The following GTF2F2 variants were observed in gnomAD, a reference collection of about 807,000 sequenced individuals.
GTF2F2 encodes ATP-dependent helicase GTF2F2.
A neutral mutation model predicts 42.2 loss-of-function variants in GTF2F2; 23 were observed. The ratio of observed to expected loss-of-function variants is 0.55; its 90% CI spans 0.39 to 0.77. The LOEUF is 0.77. GTF2F2 is among the 30% of genes least tolerant of loss of function. The pLI is 0.00. For missense variants in GTF2F2, 261 were observed against 287.2 expected (o/e 0.91, Z 0.66); for synonymous variants, 105 against 100.8 (o/e 1.04, Z -0.25).
chr13:45,128,029 C>T (rs1346792968), intron 1 of GTF2F2, among the ~76,000 whole-genome samples: 2 of 132,954 alleles, frequency 1.5e-5, no homozygotes, highest in East Asian at 2.4e-4. Context: ...GGCGCGATCT[C>T]GACTCACTGC....
chr13:45,125,494 AT>A lies in GTF2F2; in HGVS notation c.66+4778del, dbSNP rs573623145. ...GCCACCACACCCAGCTAATTTTTGTATTTTTAGTAGAGACGGGGTTTCACTG... is the reference window on the plus strand; with the variant it reads ...GCCACCACACCCAGCTAATTTTTGTATTTTAGTAGAGACGGGGTTTCACTG... On this transcript the variant is annotated intron_variant, in intron 1 of 7. Coordinates refer to ENST00000340473, the MANE Select transcript of GTF2F2 (RefSeq NM_004128.3). 2.4e-3 allele frequency among the ~76,000 whole-genome samples: 363 copies of A among 151,940 alleles called. 1 individual carries two copies. The highest frequency in any genetic ancestry group is 1.2e-3 in the Non-Finnish European group (82 of 67,958).
At chr13:45,124,690 G>A (rs1381365838) in intron 1 of GTF2F2, among the ~76,000 whole-genome samples, 5 of 152,150 alleles carry the variant, frequency 3.3e-5, no homozygotes, top group African/African-American at 9.6e-5. Context: ...TCAGCCTCCC[G>A]AATAGCTGGG....
chr13:45,146,531 A>G (rs1047234125), intron 2 of GTF2F2, among the ~76,000 whole-genome samples: 2 of 152,140 alleles, frequency 1.3e-5, no homozygotes, highest in Admixed American at 6.5e-5. Flanking sequence ...AACAAGAGCC[A>G]ACAGTTGAAT....
intron 4 of GTF2F2, among the ~76,000 whole-genome samples, chr13:45,180,324 A>G (rs182416640): frequency 6.6e-5 from 10 of 152,300 alleles, no homozygotes; most frequent in African/African-American, 2.4e-4. Flanking sequence ...GTGAGCTTTA[A>G]AAATATACGT....
At chr13:45,146,625 G>T (rs1870206355) in intron 2 of GTF2F2, among the ~76,000 whole-genome samples, 1 of 152,120 alleles carries the variant, frequency 6.6e-6, no homozygotes, top group Non-Finnish European at 1.5e-5. Flanking sequence ...CCAAATCCAA[G>T]AAGTATTTTA....
chr13:45,227,801 C>A (rs1198153336), intron 5 of GTF2F2, among the ~76,000 whole-genome samples: 1 of 152,112 alleles, frequency 6.6e-6, no homozygotes, highest in Non-Finnish European at 1.5e-5. Context: ...CTGTGGGAAT[C>A]CTGAGTCCTC....
intron 5 of GTF2F2, among the ~76,000 whole-genome samples, chr13:45,211,377 T>C (rs1022966153): frequency 3.3e-5 from 5 of 151,034 alleles, no homozygotes; most frequent in Non-Finnish European, 7.4e-5. Flanking sequence ...TTTTTTTGTT[T>C]TTTTTTTTTT....
intron 7 of GTF2F2, among the ~76,000 whole-genome samples, chr13:45,269,436 A>G (rs1876698219): frequency 6.6e-6 from 1 of 152,184 alleles, no homozygotes; most frequent in Non-Finnish European, 1.5e-5. Flanking sequence ...AGGAGAGGGC[A>G]GGAAGTGGTC....
At chr13:45,159,977 A>T (rs982963311) in intron 4 of GTF2F2, among the ~76,000 whole-genome samples, 11 of 151,942 alleles carry the variant, frequency 7.2e-5, no homozygotes, top group Non-Finnish European at 1.5e-4. Flanking sequence ...CATGAATTAC[A>T]CTCTGTTTCC....
At chr13:45,237,093 AT>A (rs1187063974) in intron 5 of GTF2F2, among the ~76,000 whole-genome samples, 2 of 152,220 alleles carry the variant, frequency 1.3e-5, no homozygotes, top group Non-Finnish European at 2.9e-5. Context: ...AATCTAAAAA[AT>A]ATTATACCTA....
intron 4 of GTF2F2, chr13:45,206,776 T>A (rs1176506543): frequency 6.6e-6 from 1 of 152,216 alleles, no homozygotes; most frequent in Non-Finnish European, 1.5e-5. Context: ...TAAGAATTAC[T>A]AAGGATAGGG....
At chr13:45,165,468 T>C (rs1178467388) in intron 4 of GTF2F2, among the ~76,000 whole-genome samples, 2 of 151,800 alleles carry the variant, frequency 1.3e-5, no homozygotes, top group East Asian at 3.9e-4. Context: ...AGTATAAAAT[T>C]GAAGTGTGAC....
chr13:45,253,020 C>G (rs1321075991), intron 6 of GTF2F2, 50 bp downstream of exon 6: 7 of 803,618 alleles, frequency 8.7e-6, no homozygotes, highest in African/African-American at 1.8e-5. Context: ...TCATTCTTTT[C>G]TGTATCATAG....
At chr13:45,246,725 G>A (rs1197071553) in intron 5 of GTF2F2, among the ~76,000 whole-genome samples, 3 of 151,802 alleles carry the variant, frequency 2.0e-5, no homozygotes, top group Non-Finnish European at 2.9e-5. Context: ...ATTTTACTCT[G>A]TGTAAATTCA....
At chr13:45,219,848 A>T (rs566473503) in intron 5 of GTF2F2, among the ~76,000 whole-genome samples, 1 of 152,334 alleles carries the variant, frequency 6.6e-6, no homozygotes, top group African/African-American at 2.4e-5. Context: ...TTAATGTGTT[A>T]TATATTTGAG....
intron 5 of GTF2F2, among the ~76,000 whole-genome samples, chr13:45,226,004 C>T: frequency 6.6e-6 from 1 of 151,546 alleles, no homozygotes. Context: ...AAAAATGCAT[C>T]TGTTTTCTTC....
At chr13:45,153,591 T>G (rs1474593746) in intron 4 of GTF2F2, among the ~76,000 whole-genome samples, 1 of 152,186 alleles carries the variant, frequency 6.6e-6, no homozygotes, top group Non-Finnish European at 1.5e-5. Context: ...AAATATTTAT[T>G]GCGTGCTACA....
chr13:45,258,495 C>T (rs566502207), intron 6 of GTF2F2, among the ~76,000 whole-genome samples: 1 of 152,318 alleles, frequency 6.6e-6, no homozygotes, highest in South Asian at 2.1e-4. Flanking sequence ...CCCACCCTTA[C>T]CACCAAGGCT....
In GTF2F2 at chr13:45,171,952, A is replaced by C. The variant is rs1480386295; in HGVS notation, c.304+20121A>C. Among the ~76,000 whole-genome samples the C allele has an allele frequency of 5.3e-5, 8 of 151,384 alleles. 1 individual carries two copies. The highest frequency in any genetic ancestry group is 1.9e-4 in the African/African-American group (8 of 41,114). Reference sequence around the variant, plus strand: ...CAGTACTTAATTCTGCTTTATTGCTAGACAGTATTCCATCATCTGAATATT... The same window carrying C: ...CAGTACTTAATTCTGCTTTATTGCTCGACAGTATTCCATCATCTGAATATT... On this transcript the variant is annotated intron_variant, in intron 4 of 7. Coordinates refer to ENST00000340473, the MANE Select transcript of GTF2F2 (RefSeq NM_004128.3).
Sources: gnomAD v4.1 joint callset for allele counts (sites outside exome capture counted in the v4.1 genomes callset) on GRCh38, gnomAD v4.1.1 for gene constraint, MANE v1.5 for transcripts, NCBI Gene and HGNC (gene_info 2026-07-23, HGNC 2026-07-21) for gene names.